Variants in TAFA1 observed in about 807,000 individuals in gnomAD.
TAFA1 encodes TAFA chemokine like family member 1.
TAFA1 carries 4 observed loss-of-function variants against 18.5 expected under a neutral mutation model. The observed-to-expected ratio is 0.22, with a 90% CI of 0.11 to 0.49. The LOEUF (loss-of-function observed/expected upper bound fraction) is 0.49. Ranked by LOEUF, TAFA1 falls within the 20% of genes least tolerant of loss-of-function variation. The pLI, the probability that TAFA1 is intolerant of heterozygous loss-of-function variation, is 0.98. For synonymous variants in TAFA1, 56 were observed against 55.2 expected (o/e 1.01, Z -0.06); for missense variants, 147 against 169.0 (o/e 0.87, Z 0.72).
chr3:68,115,381 G>A (rs945661708), intron 2 of TAFA1, among the ~76,000 whole-genome samples: 1 of 152,116 alleles, frequency 6.6e-6, no homozygotes, highest in African/African-American at 2.4e-5. Flanking sequence ...CCGCTACTAT[G>A]TCATCTGTGA....
intron 2 of TAFA1, among the ~76,000 whole-genome samples, chr3:68,281,582 G>C (rs1233856598): frequency 6.7e-6 from 1 of 149,090 alleles, no homozygotes; most frequent in Admixed American, 6.9e-5. Context: ...TGATTCTCCT[G>C]CTTCAGCCTC....
At chr3:68,502,271 C>T (rs772713367) in intron 3 of TAFA1, among the ~76,000 whole-genome samples, 27 of 152,116 alleles carry the variant, frequency 1.8e-4, no homozygotes, top group Admixed American at 8.5e-4. Context: ...TTCTGTTTTA[C>T]AGATAAGGTT....
At chr3:68,033,070 G>A (rs1283669588) in intron 2 of TAFA1, among the ~76,000 whole-genome samples, 1 of 152,140 alleles carries the variant, frequency 6.6e-6, no homozygotes, top group Admixed American at 6.6e-5. Flanking sequence ...CAGTCACTTA[G>A]GAAGGTAATA....
intron 3 of TAFA1, among the ~76,000 whole-genome samples, chr3:68,527,419 G>T (rs1247269010): frequency 6.6e-6 from 1 of 152,108 alleles, no homozygotes; most frequent in Non-Finnish European, 1.5e-5. Context: ...ACAGGTAAAA[G>T]ATTTCTAATT....
chr3:68,310,111 A>G (rs1211822319), intron 2 of TAFA1, among the ~76,000 whole-genome samples: 11 of 152,242 alleles, frequency 7.2e-5, no homozygotes, highest in Admixed American at 7.2e-4. Context: ...TAGAATATGT[A>G]AATTTTTAAG....
At chr3:68,398,810 C>G (rs183273590) in intron 2 of TAFA1, among the ~76,000 whole-genome samples, 1 of 152,164 alleles carries the variant, frequency 6.6e-6, no homozygotes, top group Non-Finnish European at 1.5e-5. Context: ...AAATTGACAT[C>G]TAATCAAAGA....
intron 2 of TAFA1, among the ~76,000 whole-genome samples, chr3:68,282,298 G>A (rs908628536): frequency 2.0e-5 from 3 of 152,010 alleles, no homozygotes; most frequent in Non-Finnish European, 2.9e-5. Context: ...TCTTGATGAC[G>A]GTGATCATGG....
chr3:68,427,269 C>G (rs2071074606), intron 3 of TAFA1, among the ~76,000 whole-genome samples: 1 of 151,766 alleles, frequency 6.6e-6, no homozygotes, highest in African/African-American at 2.4e-5. Context: ...TTTCTTTTTC[C>G]AGAAAGTGGG....
At chr3:68,009,692 A>G (rs981300722) in intron 2 of TAFA1, among the ~76,000 whole-genome samples, 2 of 152,242 alleles carry the variant, frequency 1.3e-5, no homozygotes, top group Non-Finnish European at 2.9e-5. Context: ...TGCAAAGATT[A>G]AAGTGATAGA....
At chr3:68,328,084 A>G (rs1362337616) in intron 2 of TAFA1, among the ~76,000 whole-genome samples, 1 of 152,174 alleles carries the variant, frequency 6.6e-6, no homozygotes, top group Non-Finnish European at 1.5e-5. Flanking sequence ...ATCTGTTGGT[A>G]TAAAAACATG....
chr3:68,421,133 G>T (rs1407024526), intron 3 of TAFA1, among the ~76,000 whole-genome samples: 1 of 152,064 alleles, frequency 6.6e-6, no homozygotes, highest in Non-Finnish European at 1.5e-5. Context: ...AGGGGGAAAT[G>T]GTATCTAGCC....
intron 2 of TAFA1, among the ~76,000 whole-genome samples, chr3:68,048,894 G>A (rs2064430249): frequency 6.6e-6 from 1 of 152,040 alleles, no homozygotes; most frequent in Non-Finnish European, 1.5e-5. Flanking sequence ...TCAAATCTTG[G>A]CTATTGTGAA....
At chr3:68,044,301 AC>A (rs1364615358) in intron 2 of TAFA1, among the ~76,000 whole-genome samples, 1 of 152,154 alleles carries the variant, frequency 6.6e-6, no homozygotes, top group Non-Finnish European at 1.5e-5. Context: ...GATGGTAGGG[AC>A]TTTTGTTCTT....
chr3:68,153,583 T>A (rs1456577092), intron 2 of TAFA1, among the ~76,000 whole-genome samples: 2 of 152,180 alleles, frequency 1.3e-5, no homozygotes, highest in Non-Finnish European at 2.9e-5. Context: ...ATTTTATTTG[T>A]TCATGTTTTA....
chr3:68,212,499 T>G (rs2066609228), intron 2 of TAFA1, among the ~76,000 whole-genome samples: 1 of 152,012 alleles, frequency 6.6e-6, no homozygotes, highest in African/African-American at 2.4e-5. Context: ...TAGGTCCGGA[T>G]GACTTTGGCT....
At position 68,051,026 on chromosome 3, in the gene TAFA1, CT is replaced by C. The variant is rs2064465271; in HGVS notation, c.118+44283del. 2.0e-5 allele frequency among the ~76,000 whole-genome samples: 3 copies of C among 152,194 alleles called. No homozygotes were observed. In the South Asian group the frequency reaches 6.2e-4, roughly 32 times the overall value. ...AAAAGTACAGTCTATGTCAACCTGC[CT>C]GGTATTGTATCTCAGCTTGATGACT... On this transcript the variant is annotated intron_variant, in intron 2 of 4. Transcript: ENST00000478136.
intron 2 of TAFA1, among the ~76,000 whole-genome samples, chr3:68,141,412 C>G (rs1376619443): frequency 6.6e-6 from 1 of 152,088 alleles, no homozygotes; most frequent in Non-Finnish European, 1.5e-5. Flanking sequence ...AGTAGACAAA[C>G]CCTTTATTAA....
At chr3:68,058,211 G>A (rs774705899) in intron 2 of TAFA1, among the ~76,000 whole-genome samples, 1 of 152,116 alleles carries the variant, frequency 6.6e-6, no homozygotes, top group Non-Finnish European at 1.5e-5. Context: ...CCTTGAGAAA[G>A]TTATGCAACA....
intron 2 of TAFA1, among the ~76,000 whole-genome samples, chr3:68,391,555 T>A (rs1338968061): frequency 2.0e-5 from 3 of 152,036 alleles, no homozygotes; most frequent in Non-Finnish European, 2.9e-5. Flanking sequence ...AGACACATAA[T>A]CGTCAGATTC....
Sources: gnomAD v4.1 joint callset for allele counts (sites outside exome capture counted in the v4.1 genomes callset) on GRCh38, gnomAD v4.1.1 for gene constraint, MANE v1.5 for transcripts, NCBI Gene and HGNC (gene_info 2026-07-23, HGNC 2026-07-21) for gene names.